APP: variants seen among roughly 807,000 people sequenced by gnomAD.
The protein encoded by APP is amyloid-beta precursor protein.
In APP, 31 loss-of-function variants were observed where a neutral mutation model predicts 101.4. That is an observed-to-expected ratio of 0.31 (90% CI 0.23 to 0.41). The LOEUF (loss-of-function observed/expected upper bound fraction) is 0.41, where lower values mean the gene tolerates loss of function less well. APP is among the 10% of genes least tolerant of loss of function. The pLI is 1.00. For missense variants in APP, 839 were observed against 1,003.7 expected, an observed-to-expected ratio of 0.84 and a Z score of 2.22; for synonymous variants, 366 against 364.4, an observed-to-expected ratio of 1.00 and a Z score of -0.05.
chr21:26,117,270 C>G (rs760791303), intron 1 of APP, among the ~76,000 whole-genome samples: 4 of 152,246 alleles, frequency 2.6e-5, no homozygotes, highest in African/African-American at 9.6e-5. Context: ...AACTATACCC[C>G]ACAAGAGTGC....
rs45509009 is a variant in APP at position 26,083,086 on chromosome 21, C to T, written c.355+6857G>A. Among the ~76,000 whole-genome samples the T allele has an allele frequency of 4.7e-3, 720 of 152,210 alleles. 6 individuals carry two copies. Among genetic ancestry groups the T allele is most frequent in the African/African-American group, 0.017 (686 of 41,524 alleles). On this transcript the variant is annotated intron_variant, in intron 3 of 17. Coordinates refer to ENST00000346798, the MANE Select transcript of APP (RefSeq NM_000484.4). ...TCCATGCTTATGTTAAACTCAGGAT[C>T]ATAAATCAGTATTAAAATTTTCCTC...
At chr21:25,966,294 C>A (rs899211758) in intron 11 of APP, among the ~76,000 whole-genome samples, 5 of 152,220 alleles carry the variant, frequency 3.3e-5, no homozygotes, top group African/African-American at 9.6e-5. Flanking sequence ...TTCCCATTCA[C>A]TATCTGTTAT....
At chr21:25,932,939 C>T (rs1286720603) in intron 13 of APP, among the ~76,000 whole-genome samples, 1 of 152,094 alleles carries the variant, frequency 6.6e-6, no homozygotes, top group Non-Finnish European at 1.5e-5. Flanking sequence ...ACGTTAAGTA[C>T]CATAGTGCTC....
chr21:25,913,616 G>C (rs558386594), intron 13 of APP, among the ~76,000 whole-genome samples: 1 of 152,232 alleles, frequency 6.6e-6, no homozygotes, highest in East Asian at 1.9e-4. Context: ...CATTCATCTT[G>C]ACAGGAAATA....
intron 13 of APP, among the ~76,000 whole-genome samples, chr21:25,932,344 GA>G (rs2040182905): frequency 5.4e-5 from 1 of 18,362 alleles, no homozygotes; most frequent in Admixed American, 7.2e-4. Flanking sequence ...GAAGTGAAGT[GA>G]AGGGGTGTCA....
At chr21:25,965,859 A>G (rs1208914499) in intron 11 of APP, among the ~76,000 whole-genome samples, 1 of 152,248 alleles carries the variant, frequency 6.6e-6, no homozygotes, top group East Asian at 1.9e-4. Context: ...TAAAATGAAC[A>G]TATATATTAA....
intron 5 of APP, among the ~76,000 whole-genome samples, chr21:26,030,426 T>C (rs1259599861): frequency 1.3e-5 from 2 of 152,210 alleles, no homozygotes; most frequent in African/African-American, 4.8e-5. Context: ...TAGAAAAATG[T>C]TCTTAGATTT....
intron 9 of APP, among the ~76,000 whole-genome samples, chr21:25,982,074 C>A (rs922128132): frequency 6.6e-6 from 1 of 152,104 alleles, no homozygotes; most frequent in Non-Finnish European, 1.5e-5. Context: ...AATAATAATG[C>A]CAAGTACCTT....
intron 14 of APP, among the ~76,000 whole-genome samples, chr21:25,906,847 AGTG>A (rs2038818497): frequency 6.6e-6 from 1 of 151,884 alleles, no homozygotes; most frequent in East Asian, 1.9e-4. Flanking sequence ...CGTACCTTGA[AGTG>A]GTGGTGAGCA....
At chr21:25,986,742 T>C (rs914211794) in intron 8 of APP, among the ~76,000 whole-genome samples, 1 of 152,108 alleles carries the variant, frequency 6.6e-6, no homozygotes, top group Non-Finnish European at 1.5e-5. Flanking sequence ...AGGATTTCCA[T>C]GTTGGCACTC....
chr21:26,079,592 T>C (rs72635015), intron 3 of APP, among the ~76,000 whole-genome samples: 2 of 152,136 alleles, frequency 1.3e-5, no homozygotes, highest in Non-Finnish European at 2.9e-5. Flanking sequence ...CGTTATTAAA[T>C]CTGACGGCAT....
chr21:26,055,898 G>A (rs1047193301), intron 3 of APP, among the ~76,000 whole-genome samples: 1 of 152,184 alleles, frequency 6.6e-6, no homozygotes, highest in Non-Finnish European at 1.5e-5. Context: ...AAATCAGACA[G>A]TAAGTGCCAA....
At chr21:25,990,772 G>C (rs1463604008) in intron 8 of APP, among the ~76,000 whole-genome samples, 1 of 122,860 alleles carries the variant, frequency 8.1e-6, no homozygotes, top group African/African-American at 3.2e-5. Flanking sequence ...GGCATATCTG[G>C]GTCTCAACTC....
chr21:25,983,008 G>T (rs9305270), intron 8 of APP, among the ~76,000 whole-genome samples: 152,320 of 152,320 alleles, frequency 1, 76,160 homozygotes, highest in Non-Finnish European at 1. Context: ...ATGGAAACAC[G>T]ACAAAAGATA....
At chr21:26,111,063 G>C (rs574728526) in intron 2 of APP, among the ~76,000 whole-genome samples, 6 of 121,128 alleles carry the variant, frequency 5.0e-5, no homozygotes, top group African/African-American at 1.9e-4. Flanking sequence ...GACAAAGGAT[G>C]ATTTCCAGGA....
At chr21:26,033,274 A>C (rs2044926118) in intron 5 of APP, among the ~76,000 whole-genome samples, 1 of 152,170 alleles carries the variant, frequency 6.6e-6, no homozygotes, top group Non-Finnish European at 1.5e-5. Context: ...GGGAGTTCTC[A>C]GGAGATCTGA....
chr21:26,082,012 G>A (rs2061608363), intron 3 of APP, among the ~76,000 whole-genome samples: 1 of 152,156 alleles, frequency 6.6e-6, no homozygotes, highest in Non-Finnish European at 1.5e-5. Context: ...GAGGTCAGGA[G>A]TTTGAGACCA....
rs1052404480 is a variant in APP, at chr21:26,011,076, T to A, written c.865+10764A>T. 3.3e-4 allele frequency among the ~76,000 whole-genome samples: 49 copies of A among 148,080 alleles called. No individual in the cohort carries two copies. The East Asian group carries it at 6.4e-3, about 19-fold the overall frequency. ...GTATTTCTCTGTTCACTTTTTTATTTTTATTTATTTATTTTTGAGACGGCA... is the reference window on the plus strand; with the variant it reads ...GTATTTCTCTGTTCACTTTTTTATTATTATTTATTTATTTTTGAGACGGCA... On this transcript the variant is annotated intron_variant, in intron 6 of 17. Transcript: ENST00000346798.
chr21:25,881,800 A>G (rs1473671548), intron 17 of APP, 29 bp from the exon 18 acceptor site: 2 of 1,601,496 alleles, frequency 1.2e-6, no homozygotes, highest in Non-Finnish European at 1.7e-6. Context: ...GCTGAGTAAA[A>G]AATAAAAATC....
Sources: allele counts gnomAD v4.1 joint callset (sites outside exome capture counted in the v4.1 genomes callset), GRCh38; gene constraint gnomAD v4.1.1; transcripts MANE v1.5; gene names NCBI Gene and HGNC (gene_info 2026-07-23, HGNC 2026-07-21).